The following ADCYAP1R1 variants were observed in gnomAD, a reference collection of about 807,000 sequenced individuals.
The protein encoded by ADCYAP1R1 is ADCYAP receptor type I.
Under a neutral mutation model 67.6 loss-of-function variants are expected in ADCYAP1R1, and 44 were observed. That is an observed-to-expected ratio of 0.65 (90% CI 0.51 to 0.84). ADCYAP1R1 has a LOEUF of 0.84. ADCYAP1R1 is among the 40% of genes least tolerant of loss of function. The pLI is 0.00. For missense variants in ADCYAP1R1, 477 were observed against 587.9 expected (o/e 0.81, Z 1.95); for synonymous variants, 222 against 219.6 (o/e 1.01, Z -0.10).
At chr7:31,053,723 G>A (rs1001805030) in intron 1 of ADCYAP1R1, among the ~76,000 whole-genome samples, 1 of 152,180 alleles carries the variant, frequency 6.6e-6, no homozygotes, top group Non-Finnish European at 1.5e-5. Context: ...ACAATGTCCC[G>A]CAAAGCCCCC....
At chr7:31,064,795 A>G (rs1584481848) in intron 2 of ADCYAP1R1, 36 bp from the exon 3 acceptor site, 1 of 1,551,706 alleles carries the variant, frequency 6.4e-7, no homozygotes. Context: ...TGGGCCTCCT[A>G]CCCGCTCCCA....
chr7:31,079,448 G>T (rs529499018), intron 4 of ADCYAP1R1, among the ~76,000 whole-genome samples: 3 of 152,202 alleles, frequency 2.0e-5, no homozygotes, highest in Non-Finnish European at 4.4e-5. Flanking sequence ...TGGCCTTAGC[G>T]TTCTTCTTTT....
In ADCYAP1R1 at chr7:31,086,987, T is replaced by G. The variant is rs1795772816; in HGVS notation, c.868T>G (p.Tyr290Asp). 6.2e-7 allele frequency: 1 copy of G among 1,614,104 alleles called. No homozygotes were observed. Among genetic ancestry groups the G allele is most frequent in the Admixed American group, 1.7e-5 (1 of 60,008 alleles). ...GACAGTGTGGGCTACGCTGAGACTC[T>G]ACTTTGATGACACAGGGTTAGTACA... ...CVTVWATLRL[Y>D]FDDTGCWDMN... is the part of the protein sequence containing the mutation. Residue 290 changes from tyrosine to aspartate, a missense_variant, in exon 11 of 16, where the codon TAC (tyrosine) becomes GAC (aspartate). Transcript: ENST00000304166. This position sits in a 1 kb window ranked among gnomAD's most constrained non-coding sequence, Gnocchi z 5.0.
rs1387677584 is a variant in ADCYAP1R1 at position 31,102,032 on chromosome 7, A to C, written c.1047-1205A>C. 6.6e-6 allele frequency among the ~76,000 whole-genome samples: 1 copy of C among 152,088 alleles called. No homozygotes were observed. The stretch of plus-strand genomic sequence containing the variant: ...CTCCTTCCTTCCTTCTCCTCTCTGA[A>C]TGTAAGCTAGGAAGTCAAGGGCCTC... On this transcript the variant is annotated intron_variant, in intron 13 of 15. Transcript: ENST00000304166. The surrounding 1 kb of genome is among the most constrained non-coding windows in gnomAD (Gnocchi z 4.3).
At chr7:31,104,402 G>A (rs1796555627) in intron 14 of ADCYAP1R1, among the ~76,000 whole-genome samples, 1 of 152,242 alleles carries the variant, frequency 6.6e-6, no homozygotes. Context: ...TCTGCGTGGT[G>A]TTCTGCATTG....
intron 1 of ADCYAP1R1, 118 bp from the exon 2 acceptor site, chr7:31,063,076 T>G (rs1584478997): frequency 1.6e-6 from 1 of 624,752 alleles, no homozygotes. Context: ...GGAGGTGGGG[T>G]TATCCTTGGA....
At position 31,060,798 on chromosome 7, in the gene ADCYAP1R1, C is replaced by G. The variant is rs573959733; in HGVS notation, c.-71-2396C>G. Reference sequence around the variant, plus strand: ...GTCTATTTGCTGCCACCGGCTCCCCCACCCCACCAGAGCTGTTCAAACTCC... The same window carrying G: ...GTCTATTTGCTGCCACCGGCTCCCCGACCCCACCAGAGCTGTTCAAACTCC... On this transcript the variant is annotated intron_variant, in intron 1 of 15. Coordinates refer to ENST00000304166, the MANE Select transcript of ADCYAP1R1 (RefSeq NM_001118.5). Among the ~76,000 whole-genome samples the G allele has an allele frequency of 9.2e-5, 14 of 152,338 alleles. No homozygotes were observed. In the East Asian group the frequency reaches 2.5e-3, roughly 27 times the overall value.
chr7:31,060,061 G>A (rs1344287532), intron 1 of ADCYAP1R1, among the ~76,000 whole-genome samples: 1 of 151,918 alleles, frequency 6.6e-6, no homozygotes, highest in African/African-American at 2.4e-5. Context: ...ACTGGGCTGG[G>A]GACACACCTG....
intron 3 of ADCYAP1R1, among the ~76,000 whole-genome samples, chr7:31,071,956 GATCCATCCATCCATCCATCC>G (rs560523944): frequency 2.1e-5 from 3 of 142,600 alleles, no homozygotes; most frequent in South Asian, 2.3e-4. Flanking sequence ...TGTGGTAAAT[GATCCATCCATCCATCCATCC>G]ATCCATCCAT....
chr7:31,057,573 G>A (rs1203644101), intron 1 of ADCYAP1R1, among the ~76,000 whole-genome samples: 1 of 152,192 alleles, frequency 6.6e-6, no homozygotes. Flanking sequence ...CTGTCACCTT[G>A]TCACGCCTGC....
chr7:31,074,694 G>A (rs1367192884), intron 3 of ADCYAP1R1, among the ~76,000 whole-genome samples: 1 of 152,216 alleles, frequency 6.6e-6, no homozygotes, highest in African/African-American at 2.4e-5. Context: ...ATGTGCTATT[G>A]GGTCTCTTTC....
At chr7:31,076,380 C>A (rs899983028) in intron 3 of ADCYAP1R1, among the ~76,000 whole-genome samples, 1 of 152,050 alleles carries the variant, frequency 6.6e-6, no homozygotes, top group Admixed American at 6.6e-5. Flanking sequence ...TCAGGCAGTG[C>A]GGGGAACTCT....
At chr7:31,067,330 G>A (rs1794778116) in intron 3 of ADCYAP1R1, among the ~76,000 whole-genome samples, 1 of 152,148 alleles carries the variant, frequency 6.6e-6, no homozygotes, top group South Asian at 2.1e-4. Flanking sequence ...GCCATTAGGT[G>A]GGAAAGAGGA....
At chr7:31,092,128 C>T (rs920217955) in intron 12 of ADCYAP1R1, among the ~76,000 whole-genome samples, 5 of 146,622 alleles carry the variant, frequency 3.4e-5, no homozygotes, top group Admixed American at 1.4e-4. Context: ...CCTTTGTGAC[C>T]GTTCACATAG....
chr7:31,110,779 G>A lies in ADCYAP1R1; in HGVS notation c.*4095G>A, dbSNP rs546257064. On this transcript the variant is annotated 3_prime_UTR_variant, in exon 16 of 16. Transcript: ENST00000304166. The stretch of plus-strand genomic sequence containing the variant: ...CTTTGGGCCTCGGCCTCCTAATCTG[G>A]GTAATGGGGAGGACTTCATTGGCAT... 1 of 152,366 alleles carries A rather than the reference G, an allele frequency of 6.6e-6. No individual in the cohort carries two copies. Among genetic ancestry groups the A allele is most frequent in the South Asian group, 2.1e-4 (1 of 4,824 alleles). The allele number at this position is 152,366 out of a possible 1,614,324, so 9.4% of individuals were successfully genotyped here.
chr7:31,078,499 C>T (rs1207650028), intron 4 of ADCYAP1R1, among the ~76,000 whole-genome samples: 1 of 152,202 alleles, frequency 6.6e-6, no homozygotes, highest in Non-Finnish European at 1.5e-5. Flanking sequence ...TAAATGTTAG[C>T]TGGGATAATT....
chr7:31,078,304 C>G (rs1300003812), intron 4 of ADCYAP1R1, among the ~76,000 whole-genome samples: 1 of 152,080 alleles, frequency 6.6e-6, no homozygotes, highest in Non-Finnish European at 1.5e-5. Context: ...TGGATGAAAG[C>G]AAGGCTGTGC....
chr7:31,053,674 G>T (rs1794121897), intron 1 of ADCYAP1R1, among the ~76,000 whole-genome samples: 1 of 152,232 alleles, frequency 6.6e-6, no homozygotes, highest in African/African-American at 2.4e-5. Flanking sequence ...ATGTTTTTGA[G>T]TGCAGGTGCG....
At chr7:31,064,692 G>A (rs1245694412) in intron 2 of ADCYAP1R1, 139 bp from the exon 3 acceptor site, 2 of 666,040 alleles carry the variant, frequency 3.0e-6, no homozygotes. Flanking sequence ...GGCCCCTGCT[G>A]GCCCTGACAT....
Sources: allele counts gnomAD v4.1 joint callset (sites outside exome capture counted in the v4.1 genomes callset), GRCh38; gene constraint gnomAD v4.1.1; non-coding constraint Gnocchi (gnomAD v3.1); transcripts MANE v1.5; gene names NCBI Gene and HGNC (gene_info 2026-07-23, HGNC 2026-07-21).